The following MACROD2 variants were observed in gnomAD, a reference collection of about 807,000 sequenced individuals.
The protein encoded by MACROD2 is mono-ADP ribosylhydrolase 2.
In MACROD2, 36 loss-of-function variants were observed where a neutral mutation model predicts 70.4. The observed-to-expected ratio is 0.51, with a 90% CI of 0.39 to 0.68. The LOEUF (loss-of-function observed/expected upper bound fraction) is 0.68. MACROD2 is among the 30% of genes least tolerant of loss of function. The pLI is 0.00. For synonymous variants in MACROD2, 172 were observed against 178.8 expected (o/e 0.96, Z 0.30); for missense variants, 496 against 538.4 (o/e 0.92, Z 0.78).
At chr20:14,500,908 A>T (rs1303163624) in intron 4 of MACROD2, among the ~76,000 whole-genome samples, 1 of 152,154 alleles carries the variant, frequency 6.6e-6, no homozygotes, top group East Asian at 1.9e-4. Context: ...GGCTTATTCT[A>T]TCACATATAG....
chr20:15,714,821 A>G (rs970648675), intron 8 of MACROD2, among the ~76,000 whole-genome samples: 59 of 152,230 alleles, frequency 3.9e-4, no homozygotes, highest in African/African-American at 1.3e-3. Flanking sequence ...ATATATAAAC[A>G]TGATATAGAT....
In MACROD2 at chr20:14,862,037, A is replaced by ATATT. The variant is rs1439959673; in HGVS notation, c.418+177079_418+177080insATTT. 5.0e-3 allele frequency among the ~76,000 whole-genome samples: 57 copies of ATATT among 11,372 alleles called. 3 individuals are homozygous for ATATT. The highest frequency in any genetic ancestry group is 7.2e-3 in the Non-Finnish European group (43 of 5,972). The allele number at this position is 11,372 out of a possible 152,430, so 7.5% of individuals were successfully genotyped here. A position where few individuals can be genotyped will look rare whatever the true frequency, so the allele number is the denominator to read the frequency against. On this transcript the variant is annotated intron_variant, in intron 5 of 17. Coordinates refer to ENST00000684519, the MANE Select transcript of MACROD2 (RefSeq NM_001351661.2). ...TATATATTTATATATATTTATATATATTTATATATATATTTATATATATAT... is the reference window on the plus strand; with the variant it reads ...TATATATTTATATATATTTATATATATATTTTTATATATATATTTATATATATAT...
chr20:15,497,943 A>C (rs534895085), intron 7 of MACROD2, among the ~76,000 whole-genome samples: 62 of 152,328 alleles, frequency 4.1e-4, no homozygotes, highest in African/African-American at 1.3e-3. Flanking sequence ...GGGGTTCAGT[A>C]ATACTTTTTA....
rs528839511 is a variant in MACROD2 at position 15,422,330 on chromosome 20, C to T, written c.541-9075C>T. Among the ~76,000 whole-genome samples, 63 of 152,212 alleles carry T rather than the reference C, an allele frequency of 4.1e-4. 1 individual carries two copies. Among genetic ancestry groups the T allele is most frequent in the African/African-American group, 1.3e-3 (55 of 41,542 alleles). On this transcript the variant is annotated intron_variant, in intron 6 of 17. Coordinates refer to ENST00000684519, the MANE Select transcript of MACROD2 (RefSeq NM_001351661.2). ...TCTCAGCGAATTAGAGGAGAGAAAG[C>T]GTGTGGCTGTAAGAGAACTGTTCTC...
chr20:16,000,623 G>C (rs1042952250), intron 15 of MACROD2, among the ~76,000 whole-genome samples: 1 of 152,088 alleles, frequency 6.6e-6, no homozygotes, highest in Non-Finnish European at 1.5e-5. Context: ...GCCACTGTAC[G>C]TAGAGTTCAT....
intron 3 of MACROD2, among the ~76,000 whole-genome samples, chr20:14,147,696 C>G (rs2054959545): frequency 6.6e-6 from 1 of 152,074 alleles, no homozygotes; most frequent in South Asian, 2.1e-4. Flanking sequence ...AGAGATGGAG[C>G]CTGTAGTGGC....
chr20:15,863,736 A>G (rs2064456348), intron 9 of MACROD2, among the ~76,000 whole-genome samples: 1 of 152,170 alleles, frequency 6.6e-6, no homozygotes, highest in Admixed American at 6.6e-5. Flanking sequence ...ATGCATATTC[A>G]TCCTCTTAAG....
At chr20:15,612,146 G>T (rs2048978670) in intron 8 of MACROD2, among the ~76,000 whole-genome samples, 1 of 152,016 alleles carries the variant, frequency 6.6e-6, no homozygotes. Flanking sequence ...AAAACCCGTG[G>T]CTTTAATTCC....
In MACROD2 at chr20:14,609,118, T is replaced by C. The variant is rs187028613; in HGVS notation, c.302-75725T>C. On this transcript the variant is annotated intron_variant, in intron 4 of 17. Coordinates refer to ENST00000684519, the MANE Select transcript of MACROD2 (RefSeq NM_001351661.2). ...GCTTTGAAGCACATGAATCAACATATTCTTATTTATAAAGGCCATTCTGGG... is the reference window on the plus strand; with the variant it reads ...GCTTTGAAGCACATGAATCAACATACTCTTATTTATAAAGGCCATTCTGGG... Among the ~76,000 whole-genome samples, 26 of 152,230 alleles carry C rather than the reference T, an allele frequency of 1.7e-4. No homozygotes were observed. In the East Asian group the frequency reaches 4.8e-3, roughly 28 times the overall value.
intron 5 of MACROD2, among the ~76,000 whole-genome samples, chr20:14,722,377 A>G (rs2071480132): frequency 6.6e-6 from 1 of 152,198 alleles, no homozygotes; most frequent in African/African-American, 2.4e-5. Context: ...TGGAGCCTCC[A>G]GTAGTATTAT....
chr20:14,503,638 A>G (rs1648223456), intron 4 of MACROD2, among the ~76,000 whole-genome samples: 1 of 152,218 alleles, frequency 6.6e-6, no homozygotes, highest in South Asian at 2.1e-4. Context: ...ATACTCTCTC[A>G]GCTTCTGCCA....
At chr20:14,779,011 A>T (rs949893877) in intron 5 of MACROD2, among the ~76,000 whole-genome samples, 1 of 152,106 alleles carries the variant, frequency 6.6e-6, no homozygotes, top group African/African-American at 2.4e-5. Context: ...CAGATGAGTA[A>T]AATTAAGCAA....
chr20:15,949,896 CA>C (rs2065881420), intron 12 of MACROD2, among the ~76,000 whole-genome samples: 1 of 152,056 alleles, frequency 6.6e-6, no homozygotes, highest in South Asian at 2.1e-4. Flanking sequence ...CTTACCCAAC[CA>C]AAAATGCATG....
chr20:15,987,783 GT>G (rs1001628713), intron 15 of MACROD2, among the ~76,000 whole-genome samples: 12 of 152,044 alleles, frequency 7.9e-5, no homozygotes, highest in African/African-American at 2.4e-4. Context: ...TTAAAAATGT[GT>G]TTAAAAAAAC....
chr20:15,966,051 G>A (rs562708651), intron 12 of MACROD2, among the ~76,000 whole-genome samples: 1 of 152,276 alleles, frequency 6.6e-6, no homozygotes, highest in African/African-American at 2.4e-5. Flanking sequence ...GCTTGTGGCA[G>A]GTTCAAGAAA....
At chr20:15,168,581 C>T (rs1490970902) in intron 5 of MACROD2, among the ~76,000 whole-genome samples, 4 of 151,914 alleles carry the variant, frequency 2.6e-5, no homozygotes, top group African/African-American at 9.7e-5. Context: ...GCGATCATGG[C>T]AGCATTATTC....
At chr20:14,234,971 G>C (rs1040140348) in intron 3 of MACROD2, among the ~76,000 whole-genome samples, 32 of 152,134 alleles carry the variant, frequency 2.1e-4, no homozygotes, top group African/African-American at 7.2e-4. Context: ...ATGGGTCAAA[G>C]TAATTTTTTT....
intron 4 of MACROD2, among the ~76,000 whole-genome samples, chr20:14,607,834 T>C (rs1177509917): frequency 6.6e-6 from 1 of 152,106 alleles, no homozygotes; most frequent in South Asian, 2.1e-4. Context: ...AGGGCAAATG[T>C]CACACTTAAA....
chr20:14,140,352 T>C (rs1362236196), intron 3 of MACROD2, among the ~76,000 whole-genome samples: 3 of 152,192 alleles, frequency 2.0e-5, no homozygotes, highest in Admixed American at 6.5e-5. Context: ...AACTTTTTAA[T>C]GTGAAGAGGT....
Sources: allele counts gnomAD v4.1 joint callset (sites outside exome capture counted in the v4.1 genomes callset), GRCh38; gene constraint gnomAD v4.1.1; transcripts MANE v1.5; gene names NCBI Gene and HGNC (gene_info 2026-07-23, HGNC 2026-07-21).